ATP6V1C2: variants seen among roughly 807,000 people sequenced by gnomAD.
ATP6V1C2 encodes V-type proton ATPase subunit C 2.
ATP6V1C2 carries 45 observed loss-of-function variants against 56.8 expected under a neutral mutation model. That is an observed-to-expected ratio of 0.79 (90% confidence interval 0.62 to 1.02). The LOEUF (loss-of-function observed/expected upper bound fraction) is 1.02. Among genes scored for constraint, ATP6V1C2 ranks in the 50% least tolerant of loss-of-function variants. The pLI is 0.00. For synonymous variants in ATP6V1C2, 220 were observed against 201.3 expected (o/e 1.09, Z -0.79); for missense variants, 463 against 519.7 (o/e 0.89, Z 1.06).
At chr2:10,760,369 C>CA (rs1337677481) in intron 4 of ATP6V1C2, among the ~76,000 whole-genome samples, 105 of 145,244 alleles carry the variant, frequency 7.2e-4, no homozygotes, top group South Asian at 2.9e-3. Flanking sequence ...AGATCCATTT[C>CA]AAAAAAAAAA....
At chr2:10,731,454 A>G (rs1661948064) in intron 3 of ATP6V1C2, among the ~76,000 whole-genome samples, 1 of 152,246 alleles carries the variant, frequency 6.6e-6, no homozygotes, top group Admixed American at 6.5e-5. Context: ...TCTGCACCAC[A>G]GGGAGGTATG....
At chr2:10,738,419 C>T (rs148316854) in intron 3 of ATP6V1C2, among the ~76,000 whole-genome samples, 94 of 152,292 alleles carry the variant, frequency 6.2e-4, no homozygotes, top group African/African-American at 1.8e-3. Flanking sequence ...ACTTTAGGTA[C>T]AACATGCGGG....
chr2:10,768,887 GGCC>G, intron 6 of ATP6V1C2, 77 bp downstream of exon 6: 1 of 1,171,156 alleles, frequency 8.5e-7, no homozygotes, highest in Non-Finnish European at 1.3e-6. Flanking sequence ...CCTCTCACTG[GGCC>G]ACCTGGGAGT....
chr2:10,769,216 A>G (rs1035970453), intron 6 of ATP6V1C2, among the ~76,000 whole-genome samples: 8 of 152,224 alleles, frequency 5.3e-5, no homozygotes, highest in Admixed American at 1.3e-4. Flanking sequence ...TGTGGCCCAG[A>G]GCAGAGCAGC....
chr2:10,773,938 A>G (rs1357039489), intron 8 of ATP6V1C2, among the ~76,000 whole-genome samples: 2 of 152,306 alleles, frequency 1.3e-5, no homozygotes, highest in South Asian at 2.1e-4. Flanking sequence ...GAGGCAGGGA[A>G]GAGGAGCAAG....
intron 3 of ATP6V1C2, among the ~76,000 whole-genome samples, chr2:10,746,545 T>C (rs1662927394): frequency 6.6e-6 from 1 of 152,034 alleles, no homozygotes; most frequent in African/African-American, 2.4e-5. Context: ...CCGAAGTAGC[T>C]GGGATTACAG....
chr2:10,753,789 A>G (rs1448256238), intron 3 of ATP6V1C2, among the ~76,000 whole-genome samples, 192 bp from the exon 4 acceptor site: 2 of 152,000 alleles, frequency 1.3e-5, no homozygotes, highest in South Asian at 2.1e-4. Flanking sequence ...TTGGCCTCCC[A>G]AAGTGCTGGG....
At chr2:10,756,284 C>T (rs910102820) in intron 4 of ATP6V1C2, among the ~76,000 whole-genome samples, 7 of 151,648 alleles carry the variant, frequency 4.6e-5, no homozygotes, top group East Asian at 1.9e-4. Flanking sequence ...TGCTTGAACC[C>T]GGGAGGCAGA....
chr2:10,746,172 G>A (rs1421487025), intron 3 of ATP6V1C2, among the ~76,000 whole-genome samples: 1 of 151,938 alleles, frequency 6.6e-6, no homozygotes, highest in Non-Finnish European at 1.5e-5. Context: ...GCTAATTTTT[G>A]TATTTTTAGT....
At chr2:10,729,307 G>A (rs11885275) in intron 3 of ATP6V1C2, among the ~76,000 whole-genome samples, 92,954 of 151,478 alleles carry the variant, frequency 0.61, 30,719 homozygotes, top group Non-Finnish European at 0.77. Flanking sequence ...GGGATTACAG[G>A]TACATGCCAA....
At chr2:10,726,935 G>A (rs538737391) in intron 3 of ATP6V1C2, among the ~76,000 whole-genome samples, 2 of 152,174 alleles carry the variant, frequency 1.3e-5, no homozygotes, top group East Asian at 1.9e-4. Flanking sequence ...AAAGAGGCCC[G>A]GGGCAGTGGC....
At chr2:10,739,959 G>A (rs1476566159) in intron 3 of ATP6V1C2, among the ~76,000 whole-genome samples, 6 of 109,280 alleles carry the variant, frequency 5.5e-5, no homozygotes, top group African/African-American at 2.2e-4. Context: ...AAAATTCGCT[G>A]GGCTTGGTGG....
intron 2 of ATP6V1C2, among the ~76,000 whole-genome samples, chr2:10,725,737 T>G (rs1160913205): frequency 2.0e-5 from 3 of 151,368 alleles, no homozygotes; most frequent in South Asian, 4.2e-4. Context: ...TCAGGTGATC[T>G]GCCCACCTTG....
At chr2:10,781,112 A>G (rs946375035) in intron 12 of ATP6V1C2, among the ~76,000 whole-genome samples, 1 of 152,148 alleles carries the variant, frequency 6.6e-6, no homozygotes, top group African/African-American at 2.4e-5. Flanking sequence ...GAGACAGGAC[A>G]GGGCCGGAAG....
At chr2:10,749,213 G>C (rs979811444) in intron 3 of ATP6V1C2, among the ~76,000 whole-genome samples, 2 of 151,568 alleles carry the variant, frequency 1.3e-5, no homozygotes, top group Non-Finnish European at 2.9e-5. Context: ...TTTTAAAAGA[G>C]GCTGGGTATG....
chr2:10,752,927 C>T (rs559791126), intron 3 of ATP6V1C2, among the ~76,000 whole-genome samples: 6 of 152,096 alleles, frequency 3.9e-5, no homozygotes, highest in South Asian at 2.1e-4. Flanking sequence ...ACCCGGGAGG[C>T]GGAGGTTGCA....
At position 10,775,031 on chromosome 2, in the gene ATP6V1C2, A is replaced by T; in HGVS notation, c.785A>T (p.Glu262Val). The T allele has an allele frequency of 1.9e-6, 3 of 1,614,036 alleles. No homozygotes were observed. Among genetic ancestry groups the T allele is most frequent in the Non-Finnish European group, 2.5e-6 (3 of 1,179,996 alleles). ...GAGAAGGAAATTGAAAGGGAAAGGG[A>T]GGAGATGGCCAGATTGCTGTCTGAT... Reference protein sequence around the residue: ...YDEKEIEREREEMARLLSDKK... With the variant: ...YDEKEIERERVEMARLLSDKK... The change falls in exon 10 of 14, where the codon GAG becomes GTG. Residue 262 changes from glutamate (E) to valine (V), a missense_variant. By Grantham distance (121) the Glu-to-Val change is moderately radical. Transcript: ENST00000272238.
intron 3 of ATP6V1C2, among the ~76,000 whole-genome samples, chr2:10,740,565 C>A (rs1662493691): frequency 6.6e-6 from 1 of 152,198 alleles, no homozygotes; most frequent in Non-Finnish European, 1.5e-5. Flanking sequence ...TTCTTTCTAT[C>A]CCAAATGCTT....
At chr2:10,726,426 C>A in intron 2 of ATP6V1C2, 76 bp from the exon 3 acceptor site, 2 of 1,131,734 alleles carry the variant, frequency 1.8e-6, no homozygotes, top group Non-Finnish European at 2.7e-6. Context: ...GTGACAGAGT[C>A]CCTGCCGTGT....
Sources: allele counts gnomAD v4.1 joint callset (sites outside exome capture counted in the v4.1 genomes callset), GRCh38; gene constraint gnomAD v4.1.1; transcripts MANE v1.5; gene names NCBI Gene and HGNC (gene_info 2026-07-23, HGNC 2026-07-21).